GAS7: variants seen among roughly 807,000 people sequenced by gnomAD.
GAS7 encodes growth arrest-specific protein 7.
In GAS7, 28 loss-of-function variants were observed where a neutral mutation model predicts 71.1. The observed-to-expected ratio is 0.39, with a 90% CI of 0.29 to 0.54. GAS7 has a LOEUF of 0.54. Among genes scored for constraint, GAS7 ranks in the 20% least tolerant of loss-of-function variants. GAS7 has a pLI of 0.62. For missense variants in GAS7, 436 were observed against 627.8 expected (o/e 0.69, Z 3.27); for synonymous variants, 258 against 245.8 (o/e 1.05, Z -0.46).
chr17:9,946,017 A>G (rs927733222), intron 6 of GAS7, among the ~76,000 whole-genome samples: 2 of 152,116 alleles, frequency 1.3e-5, no homozygotes, highest in Non-Finnish European at 2.9e-5. Context: ...TGGTGAAAAC[A>G]AAGTTTTTAC....
At chr17:10,085,585 A>G (rs28727966) in intron 1 of GAS7, among the ~76,000 whole-genome samples, 94,479 of 151,274 alleles carry the variant, frequency 0.62, 30,154 homozygotes, top group African/African-American at 0.67. Flanking sequence ...CCAGCTACTC[A>G]GGAGGCTGAG....
At chr17:10,070,341 C>CTT (rs71365713) in intron 1 of GAS7, among the ~76,000 whole-genome samples, 9,827 of 105,382 alleles carry the variant, frequency 0.093, 316 homozygotes, top group Admixed American at 0.15. Context: ...TCTCTCTCTT[C>CTT]TTTTTTTTTT....
Position 9,982,824 on chromosome 17 carries a change from G to GGAAAGAAAGAAAGAAA in GAS7, c.305-956_305-941dup, listed in dbSNP as rs56351503. Reference sequence around the variant, plus strand: ...AAAGAAAGGAAAGAAAGGAAAGAAAGGAAAGAAAGAAAGAAAGAAAGAAAG... The same window carrying GGAAAGAAAGAAAGAAA: ...AAAGAAAGGAAAGAAAGGAAAGAAAGGAAAGAAAGAAAGAAAGAAAGAAAGAAAGAAAGAAAGAAAG... On this transcript the variant is annotated intron_variant, in intron 2 of 13. Transcript: ENST00000432992. 3.2e-3 allele frequency among the ~76,000 whole-genome samples: 367 copies of GGAAAGAAAGAAAGAAA among 116,198 alleles called. 2 individuals are homozygous for GGAAAGAAAGAAAGAAA. Among genetic ancestry groups the GGAAAGAAAGAAAGAAA allele is most frequent in the African/African-American group, 0.01 (254 of 25,144 alleles). The allele number at this position is 116,198 out of a possible 152,430, so 76.2% of individuals were successfully genotyped here. A position where few individuals can be genotyped will look rare whatever the true frequency, so the allele number is the denominator to read the frequency against.
At chr17:9,929,773 G>A (rs916621149) in intron 9 of GAS7, among the ~76,000 whole-genome samples, 1 of 151,986 alleles carries the variant, frequency 6.6e-6, no homozygotes, top group Non-Finnish European at 1.5e-5. Flanking sequence ...CACTGTGCCC[G>A]ACGATATTAA....
chr17:10,036,661 C>T (rs2072759476), intron 1 of GAS7: 1 of 1,425,932 alleles, frequency 7.0e-7, no homozygotes, highest in Non-Finnish European at 9.1e-7. Context: ...AAAGAACCCA[C>T]TACATTGCAT....
chr17:10,021,940 T>C (rs1035739144), intron 1 of GAS7, among the ~76,000 whole-genome samples: 2 of 151,926 alleles, frequency 1.3e-5, no homozygotes, highest in Non-Finnish European at 2.9e-5. Context: ...AAAGTCGGCA[T>C]GGGTGGGGGG....
chr17:10,085,787 C>T (rs1388493683), intron 1 of GAS7, among the ~76,000 whole-genome samples: 2 of 151,946 alleles, frequency 1.3e-5, no homozygotes, highest in Non-Finnish European at 2.9e-5. Flanking sequence ...TTAATTTAGT[C>T]CTTCCAACAG....
intron 1 of GAS7, among the ~76,000 whole-genome samples, chr17:10,180,622 T>C (rs1054490247): frequency 9.2e-5 from 14 of 152,140 alleles, no homozygotes; most frequent in Non-Finnish European, 2.1e-4. Flanking sequence ...AATGACTTCA[T>C]GGAATCTGAG....
intron 2 of GAS7, among the ~76,000 whole-genome samples, chr17:9,988,567 C>T (rs770584751): frequency 3.5e-4 from 53 of 152,252 alleles, no homozygotes; most frequent in Admixed American, 1.4e-3. Flanking sequence ...ATTTGAAATT[C>T]CCTCTTAAAA....
At chr17:10,145,138 C>T (rs190235306) in intron 1 of GAS7, among the ~76,000 whole-genome samples, 41 of 152,258 alleles carry the variant, frequency 2.7e-4, no homozygotes, top group Admixed American at 2.5e-3. Flanking sequence ...TGGCAGACAG[C>T]CTGGCTCAGC....
chr17:10,186,059 A>C (rs1362082010), intron 1 of GAS7, among the ~76,000 whole-genome samples: 1 of 142,216 alleles, frequency 7.0e-6, no homozygotes, highest in Non-Finnish European at 1.5e-5. Flanking sequence ...GGTTCACGCC[A>C]TTCTCCTGCC....
At chr17:10,069,151 G>GC (rs1314177572) in intron 1 of GAS7, among the ~76,000 whole-genome samples, 2 of 152,284 alleles carry the variant, frequency 1.3e-5, no homozygotes, top group South Asian at 2.1e-4. Flanking sequence ...CTTCCTAAAT[G>GC]CAAGTTCCCA....
At chr17:10,029,538 A>G (rs1478345809) in intron 1 of GAS7, among the ~76,000 whole-genome samples, 1 of 152,148 alleles carries the variant, frequency 6.6e-6, no homozygotes. Context: ...TGAAATTATA[A>G]CCTGAGTCTC....
At chr17:10,005,649 T>C (rs1186153820) in intron 2 of GAS7, among the ~76,000 whole-genome samples, 1 of 152,202 alleles carries the variant, frequency 6.6e-6, no homozygotes, top group East Asian at 1.9e-4. Context: ...AATTTTTCAA[T>C]GTTGAAAACT....
At chr17:10,057,218 C>T (rs951341930) in intron 1 of GAS7, among the ~76,000 whole-genome samples, 2 of 152,206 alleles carry the variant, frequency 1.3e-5, no homozygotes, top group Admixed American at 6.5e-5. Context: ...GCCGCCAGCC[C>T]GTCTAGGAAG....
rs555444519 is a variant in GAS7 at position 10,116,517 on chromosome 17, G to A, written c.183+81691C>T. ...ACTGGCCGGGCTGCTCACAGCCACTGGGTGCTCAGGAAAGGTGACCAGCAG... is the reference window on the plus strand; with the variant it reads ...ACTGGCCGGGCTGCTCACAGCCACTAGGTGCTCAGGAAAGGTGACCAGCAG... On this transcript the variant is annotated intron_variant, in intron 1 of 13. Transcript: ENST00000432992. Among the ~76,000 whole-genome samples the A allele has an allele frequency of 2.6e-5, 4 of 152,232 alleles. No individual in the cohort carries two copies. In the South Asian group the frequency reaches 8.3e-4, roughly 32 times the overall value.
intron 2 of GAS7, among the ~76,000 whole-genome samples, chr17:10,009,135 A>T (rs1014402087): frequency 1.1e-4 from 16 of 151,664 alleles, no homozygotes; most frequent in Non-Finnish European, 4.4e-5. Context: ...CCCGGCTAAA[A>T]CGGTGAAACC....
intron 1 of GAS7, chr17:10,059,913 A>G (rs1233731510): frequency 2.6e-5 from 16 of 613,594 alleles, no homozygotes; most frequent in Non-Finnish European, 2.9e-5. Flanking sequence ...GTATTCTGCA[A>G]TCGGGAAAGC....
chr17:9,993,727 A>G (rs1021979069), intron 2 of GAS7, among the ~76,000 whole-genome samples: 1 of 150,496 alleles, frequency 6.6e-6, no homozygotes, highest in African/African-American at 2.4e-5. Flanking sequence ...TTAGGAAAAG[A>G]GGAAGTCAAA....
Sources: allele counts gnomAD v4.1 joint callset (sites outside exome capture counted in the v4.1 genomes callset), GRCh38; gene constraint gnomAD v4.1.1; transcripts MANE v1.5; gene names NCBI Gene and HGNC (gene_info 2026-07-23, HGNC 2026-07-21).